The following DYRK1A variants were observed in gnomAD, a reference collection of about 807,000 sequenced individuals.
The protein encoded by DYRK1A is dual specificity tyrosine-phosphorylation-regulated kinase 1A.
A neutral mutation model predicts 79.7 loss-of-function variants in DYRK1A; 9 were observed. The observed-to-expected ratio is 0.11, with a 90% CI of 0.07 to 0.20. The LOEUF is 0.20. Among genes scored for constraint, DYRK1A ranks in the 10% least tolerant of loss-of-function variants. DYRK1A has a pLI of 1.00. For missense variants in DYRK1A, 622 were observed against 956.0 expected (o/e 0.65, Z 4.61); for synonymous variants, 349 against 329.7 (o/e 1.06, Z -0.63).
rs1174609787 is a variant in DYRK1A at position 37,520,253 on chromosome 21, T to G, written c.*7722T>G. ...TTGCTCCCACTCCAAGGAAAGTCTG[T>G]TACATTTTTAGCCTTCAGAGGTTTG... On this transcript the variant is annotated 3_prime_UTR_variant, in exon 12 of 12. Transcript: ENST00000647188. 6.6e-6 allele frequency: 1 copy of G among 152,192 alleles called. No individual in the cohort carries two copies. The highest frequency in any genetic ancestry group is 1.5e-5 in the Non-Finnish European group (1 of 68,040). The allele number at this position is 152,192 out of a possible 1,614,324, so 9.4% of individuals were successfully genotyped here. A position where few individuals can be genotyped will look rare whatever the true frequency, so the allele number is the denominator to read the frequency against.
rs947429562 is a variant in DYRK1A, at chr21:37,394,294, C to A, written c.-76-26005C>A. ...CTTTAAGTTTTAGGGTACATGTGCA[C>A]AACATGCAGGTTTGTTACCTGCAGT... On this transcript the variant is annotated intron_variant, in intron 1 of 11. Transcript: ENST00000647188. Among the ~76,000 whole-genome samples, 37 of 150,336 alleles carry A rather than the reference C, an allele frequency of 2.5e-4. 1 individual carries two copies. Among genetic ancestry groups the A allele is most frequent in the African/African-American group, 6.6e-4 (27 of 40,748 alleles).
chr21:37,440,065 G>GT (rs1278588879), intron 2 of DYRK1A, among the ~76,000 whole-genome samples: 1 of 141,582 alleles, frequency 7.1e-6, no homozygotes, highest in Non-Finnish European at 1.6e-5. Flanking sequence ...CTGTTTTTCT[G>GT]TTTTGTTGAT....
chr21:37,429,808 T>C (rs2050727283), intron 2 of DYRK1A, among the ~76,000 whole-genome samples: 2 of 152,242 alleles, frequency 1.3e-5, no homozygotes, highest in Non-Finnish European at 2.9e-5. Flanking sequence ...ATTCTGGAAG[T>C]AAAAGAACGA....
chr21:37,505,968 A>G, intron 10 of DYRK1A, 131 bp from the exon 11 acceptor site: 1 of 1,155,748 alleles, frequency 8.7e-7, no homozygotes, highest in Non-Finnish European at 1.2e-6. Flanking sequence ...TATACTTTCA[A>G]GTTAATATTA....
intron 1 of DYRK1A, among the ~76,000 whole-genome samples, chr21:37,377,015 A>G (rs2049557184): frequency 6.6e-6 from 1 of 152,232 alleles, no homozygotes; most frequent in Admixed American, 6.5e-5. Flanking sequence ...TTAAGTGCAT[A>G]GACAGGTGTG....
chr21:37,446,301 T>C lies in DYRK1A; in HGVS notation c.10+25917T>C, dbSNP rs565541699. 1.8e-4 allele frequency among the ~76,000 whole-genome samples: 27 copies of C among 152,330 alleles called. No homozygotes were observed. The South Asian group carries it at 4.4e-3, about 25-fold the overall frequency. On this transcript the variant is annotated intron_variant, in intron 2 of 11. Transcript: ENST00000647188. Reference sequence around the variant, plus strand: ...AAGAAGTATTAGCTCTGAAAACATATTTGCTTTTTTTCTAGAATGCATTGA... The same window carrying C: ...AAGAAGTATTAGCTCTGAAAACATACTTGCTTTTTTTCTAGAATGCATTGA...
chr21:37,503,078 G>GTTTGACTAT (rs60590973), intron 9 of DYRK1A: 7 of 151,666 alleles, frequency 4.6e-5, no homozygotes, highest in Non-Finnish European at 1.0e-4. Flanking sequence ...GATTTCCGCA[G>GTTTGACTAT]TTTGACTATT....
chr21:37,519,736 G>GTTTTTTTTGTTTTTTTTTTT lies in DYRK1A; in HGVS notation c.*7213_*7214insGTTTTTTTTTTTTTTTTTTT, dbSNP rs58947386. ...AGAGTTTTGAGGTTTGTTGTGGGAA[G>GTTTTTTTTGTTTTTTTTTTT]TTTTTTTTTTTTTTTTTTTTTTTGA... On this transcript the variant is annotated 3_prime_UTR_variant, in exon 12 of 12. Coordinates refer to ENST00000647188, the MANE Select transcript of DYRK1A (RefSeq NM_001347721.2). 1.0e-3 allele frequency: 87 copies of GTTTTTTTTGTTTTTTTTTTT among 85,790 alleles called. 5 individuals are homozygous for GTTTTTTTTGTTTTTTTTTTT. Among genetic ancestry groups the GTTTTTTTTGTTTTTTTTTTT allele is most frequent in the African/African-American group, 4.1e-3 (85 of 20,606 alleles). The allele number at this position is 85,790 out of a possible 1,614,324, so 5.3% of individuals were successfully genotyped here.
chr21:37,366,381 G>C (rs2049304316), upstream of DYRK1A, among the ~76,000 whole-genome samples: 1 of 145,030 alleles, frequency 6.9e-6, no homozygotes, highest in Non-Finnish European at 1.5e-5. Flanking sequence ...GGCCGCGCGC[G>C]CTCCCCGGGC....
intron 1 of DYRK1A, among the ~76,000 whole-genome samples, chr21:37,410,161 C>T (rs2050217276): frequency 6.6e-6 from 1 of 152,038 alleles, no homozygotes; most frequent in East Asian, 1.9e-4. Context: ...ATTGAGAAAG[C>T]ATGATATTTG....
At position 37,502,380 on chromosome 21, in the gene DYRK1A, CATTTT is replaced by C. The variant is rs144621984; in HGVS notation, c.1213-2895_1213-2891del. On this transcript the variant is annotated intron_variant, in intron 9 of 11. Transcript: ENST00000647188. Reference sequence around the variant, plus strand: ...GGGAGGTTTGTTGAATACTTTTTGGCATTTTATTTTATCTCTTGTACTGATTTTTT... The same window carrying C: ...GGGAGGTTTGTTGAATACTTTTTGGCATTTTATCTCTTGTACTGATTTTTT... The C allele has an allele frequency of 4.7e-4, 72 of 152,160 alleles. 1 individual carries two copies. The East Asian group carries it at 0.013, about 28-fold the overall frequency. 9.4% of individuals were successfully genotyped at this position (152,160 alleles called of 1,614,324 possible).
intron 1 of DYRK1A, among the ~76,000 whole-genome samples, chr21:37,376,367 G>A (rs1367041520): frequency 6.6e-6 from 1 of 152,164 alleles, no homozygotes; most frequent in Non-Finnish European, 1.5e-5. Context: ...AAATTAGCCA[G>A]GTGCAGTAGT....
At chr21:37,417,281 C>T (rs1279652831) in intron 1 of DYRK1A, among the ~76,000 whole-genome samples, 3 of 151,984 alleles carry the variant, frequency 2.0e-5, no homozygotes, top group African/African-American at 7.2e-5. Context: ...GCCTCCGCCT[C>T]CTGATTTCAA....
chr21:37,492,207 G>A (rs1278304890), intron 7 of DYRK1A, among the ~76,000 whole-genome samples: 1 of 152,230 alleles, frequency 6.6e-6, no homozygotes, highest in Non-Finnish European at 1.5e-5. Flanking sequence ...TGACCTACCT[G>A]TGGAGGCCTG....
At chr21:37,490,520 A>G (rs144900308) in intron 7 of DYRK1A, 59 bp downstream of exon 7, 8 of 1,450,854 alleles carry the variant, frequency 5.5e-6, no homozygotes, top group Admixed American at 2.3e-5. Context: ...TAGGTAGGAC[A>G]GTGTAGGTAT....
At chr21:37,480,042 G>T (rs532535729) in intron 4 of DYRK1A, among the ~76,000 whole-genome samples, 2 of 152,130 alleles carry the variant, frequency 1.3e-5, no homozygotes, top group Admixed American at 1.3e-4. Flanking sequence ...ATTTTTATAG[G>T]TTTAAAAACT....
In DYRK1A at chr21:37,524,310, T is replaced by C. The variant is rs887454712; in HGVS notation, c.*11779T>C. The C allele has an allele frequency of 3.3e-5, 5 of 152,228 alleles. No homozygotes were observed. The highest frequency in any genetic ancestry group is 1.2e-4 in the African/African-American group (5 of 41,452). The allele number at this position is 152,228 out of a possible 1,614,324, so 9.4% of individuals were successfully genotyped here. ...AAAATACATGTTGTTACTTCCCATC[T>C]TAGCACTCATCAAGATATTTCTAAT... On this transcript the variant is annotated 3_prime_UTR_variant, in exon 12 of 12. Coordinates refer to ENST00000647188, the MANE Select transcript of DYRK1A (RefSeq NM_001347721.2).
intron 1 of DYRK1A, among the ~76,000 whole-genome samples, chr21:37,378,321 T>C (rs2049588756): frequency 6.6e-6 from 1 of 152,194 alleles, no homozygotes; most frequent in South Asian, 2.1e-4. Flanking sequence ...TCACCTGAGG[T>C]TGGGAGTTTG....
chr21:37,447,512 A>G (rs1280871887), intron 2 of DYRK1A, among the ~76,000 whole-genome samples: 2 of 152,138 alleles, frequency 1.3e-5, no homozygotes, highest in Non-Finnish European at 2.9e-5. Context: ...TGGTTTATGT[A>G]TTATATCTGT....
Sources: allele counts gnomAD v4.1 joint callset (sites outside exome capture counted in the v4.1 genomes callset), GRCh38; gene constraint gnomAD v4.1.1; transcripts MANE v1.5; gene names NCBI Gene and HGNC (gene_info 2026-07-23, HGNC 2026-07-21).